Variants in KAZN observed in about 807,000 individuals in gnomAD.
KAZN encodes the protein kazrin, periplakin interacting protein, also known as kazrin.
A neutral mutation model predicts 87.4 loss-of-function variants in KAZN; 40 were observed. The ratio of observed to expected loss-of-function variants is 0.46; its 90% confidence interval spans 0.36 to 0.60. The LOEUF (loss-of-function observed/expected upper bound fraction) is 0.60. KAZN is among the 20% of genes least tolerant of loss of function. The pLI is 0.00. For missense variants in KAZN, 898 were observed against 1,073.9 expected, an observed-to-expected ratio of 0.84 and a Z score of 2.29; for synonymous variants, 466 against 458.3, an observed-to-expected ratio of 1.02 and a Z score of -0.22.
intron 1 of KAZN, among the ~76,000 whole-genome samples, chr1:14,038,161 A>C (rs1477098093): frequency 6.6e-6 from 1 of 152,216 alleles, no homozygotes; most frequent in Non-Finnish European, 1.5e-5. Context: ...CAAAAGTGAC[A>C]AGCAATACTC....
intron 2 of KAZN, among the ~76,000 whole-genome samples, chr1:14,540,138 C>A (rs1436004683): frequency 1.3e-5 from 2 of 152,200 alleles, no homozygotes; most frequent in African/African-American, 4.8e-5. Context: ...TGTCACTTCA[C>A]TTTATCATCC....
intron 2 of KAZN, among the ~76,000 whole-genome samples, chr1:14,267,706 G>T (rs1310768616): frequency 1.3e-5 from 2 of 152,140 alleles, no homozygotes; most frequent in Non-Finnish European, 2.9e-5. Flanking sequence ...AGGCACTCAC[G>T]CCTGTAATCC....
chr1:14,517,893 A>G (rs1671380326), intron 2 of KAZN, among the ~76,000 whole-genome samples: 1 of 152,202 alleles, frequency 6.6e-6, no homozygotes, highest in South Asian at 2.1e-4. Flanking sequence ...AAGCCATTTT[A>G]GCTGTAAGTG....
chr1:14,070,498 G>A (rs1224727537), intron 1 of KAZN, among the ~76,000 whole-genome samples: 1 of 152,180 alleles, frequency 6.6e-6, no homozygotes, highest in African/African-American at 2.4e-5. Flanking sequence ...AGTTAAATAG[G>A]AAAGACGTTT....
chr1:14,550,336 A>G (rs993920870), intron 2 of KAZN, among the ~76,000 whole-genome samples: 8 of 147,840 alleles, frequency 5.4e-5, no homozygotes, highest in South Asian at 2.1e-4. Context: ...GGAACGGGGG[A>G]AAAAAAATTA....
intron 2 of KAZN, among the ~76,000 whole-genome samples, chr1:14,414,961 A>G (rs915488042): frequency 7.9e-5 from 12 of 152,064 alleles, no homozygotes; most frequent in African/African-American, 2.9e-4. Context: ...AGGAGGTAGA[A>G]GTTGTAGTGA....
chr1:14,101,134 T>C (rs1644241137), intron 1 of KAZN, among the ~76,000 whole-genome samples: 1 of 152,136 alleles, frequency 6.6e-6, no homozygotes, highest in Admixed American at 6.5e-5. Flanking sequence ...CAGTGCACGG[T>C]GGGAGCCCTC....
At chr1:14,664,051 A>C (rs1239991805) in intron 1 of KAZN, among the ~76,000 whole-genome samples, 1 of 152,242 alleles carries the variant, frequency 6.6e-6, no homozygotes, top group African/African-American at 2.4e-5. Flanking sequence ...ATAGTATGCT[A>C]AGTGAAATAA....
chr1:13,985,325 G>T (rs2101092274), intron 1 of KAZN, among the ~76,000 whole-genome samples: 1 of 151,860 alleles, frequency 6.6e-6, no homozygotes, highest in Admixed American at 6.6e-5. Context: ...AACAATGATA[G>T]ACTGGATTAA....
At chr1:14,327,345 C>G (rs1269610375) in intron 2 of KAZN, among the ~76,000 whole-genome samples, 2 of 152,204 alleles carry the variant, frequency 1.3e-5, no homozygotes, top group Non-Finnish European at 2.9e-5. Context: ...CCAGCCACCA[C>G]AGATCCTGCT....
At chr1:13,968,305 C>T (rs1226246519) in intron 1 of KAZN, among the ~76,000 whole-genome samples, 3 of 152,274 alleles carry the variant, frequency 2.0e-5, no homozygotes, top group East Asian at 1.9e-4. Context: ...TAGCAAATAA[C>T]CTCTCACTTT....
chr1:14,209,361 C>T (rs1571022137), intron 2 of KAZN, among the ~76,000 whole-genome samples: 1 of 152,188 alleles, frequency 6.6e-6, no homozygotes, highest in South Asian at 2.1e-4. Flanking sequence ...GCCTGGAGGT[C>T]CCTCCACGTG....
chr1:14,482,575 C>T (rs180993830), intron 2 of KAZN, among the ~76,000 whole-genome samples: 10 of 152,250 alleles, frequency 6.6e-5, no homozygotes, highest in African/African-American at 2.4e-4. Context: ...CATGTAAACC[C>T]CCTGAGGGGT....
chr1:14,893,628 G>A (rs527970258), intron 1 of KAZN, among the ~76,000 whole-genome samples: 2 of 152,198 alleles, frequency 1.3e-5, no homozygotes, highest in South Asian at 4.2e-4. Flanking sequence ...GGAGAGAATT[G>A]GAAAATCTCC....
At chr1:13,943,304 G>A (rs1032569426) in intron 1 of KAZN, among the ~76,000 whole-genome samples, 8 of 152,166 alleles carry the variant, frequency 5.3e-5, no homozygotes, top group African/African-American at 1.4e-4. Flanking sequence ...TCTTTAAAGT[G>A]CAGAAAGAAG....
At chr1:14,095,571 A>T (rs947684260) in intron 1 of KAZN, among the ~76,000 whole-genome samples, 1 of 152,068 alleles carries the variant, frequency 6.6e-6, no homozygotes, top group African/African-American at 2.4e-5. Flanking sequence ...CTTAAGGTTG[A>T]CTCAAATGGC....
At chr1:14,088,652 AT>A (rs1473179926) in intron 1 of KAZN, among the ~76,000 whole-genome samples, 1 of 152,018 alleles carries the variant, frequency 6.6e-6, no homozygotes, top group Non-Finnish European at 1.5e-5. Flanking sequence ...GACCAAGTTC[AT>A]TGATAATGTT....
In KAZN at chr1:14,348,256, T is replaced by A. The variant is rs143847843; in HGVS notation, c.249+167664T>A. Among the ~76,000 whole-genome samples, 499 of 152,182 alleles carry A rather than the reference T, an allele frequency of 3.3e-3. 2 individuals carry two copies. The highest frequency in any genetic ancestry group is 0.011 in the African/African-American group (470 of 41,522). ...TAGTAGAGATGGGGTTTCACTATGT[T>A]GGCCAGGCTGGTCTTGAACTCCTGA... On this transcript the variant is annotated intron_variant, in intron 2 of 16. Transcript: ENST00000636203.
At chr1:14,690,159 C>A (rs1013077081) in intron 1 of KAZN, among the ~76,000 whole-genome samples, 2 of 152,186 alleles carry the variant, frequency 1.3e-5, no homozygotes, top group Non-Finnish European at 2.9e-5. Context: ...GGCAGACTCG[C>A]CACACTCCGC....
Sources: allele counts gnomAD v4.1 joint callset (sites outside exome capture counted in the v4.1 genomes callset), GRCh38; gene constraint gnomAD v4.1.1; transcripts MANE v1.5; gene names NCBI Gene and HGNC (gene_info 2026-07-23, HGNC 2026-07-21).